The following RCOR3 variants were observed in gnomAD, a reference collection of about 807,000 sequenced individuals.
RCOR3 encodes the protein REST corepressor 3.
Under a neutral mutation model 64.1 loss-of-function variants are expected in RCOR3, and 13 were observed. The observed-to-expected ratio is 0.20, with a 90% confidence interval of 0.13 to 0.32. The LOEUF is 0.32. Ranked by LOEUF, RCOR3 falls within the 10% of genes least tolerant of loss-of-function variation. The pLI, the probability that RCOR3 is intolerant of heterozygous loss-of-function variation, is 1.00. For synonymous variants in RCOR3, 215 were observed against 239.0 expected, an observed-to-expected ratio of 0.90 and a Z score of 0.93; for missense variants, 489 against 701.2, an observed-to-expected ratio of 0.70 and a Z score of 3.42.
At chr1:211,275,706 T>TATG (rs1284151304) in intron 4 of RCOR3, among the ~76,000 whole-genome samples, 3 of 152,216 alleles carry the variant, frequency 2.0e-5, no homozygotes, top group Non-Finnish European at 2.9e-5. Context: ...ATTCTATTTA[T>TATG]ATGTTCTGAT....
chr1:211,265,488 C>T (rs1431077910), intron 2 of RCOR3, among the ~76,000 whole-genome samples: 2 of 152,160 alleles, frequency 1.3e-5, no homozygotes, highest in Non-Finnish European at 2.9e-5. Context: ...GAAGCCAAGG[C>T]AGGTGGATCC....
At chr1:211,285,915 C>T (rs1698458425) in intron 7 of RCOR3, among the ~76,000 whole-genome samples, 1 of 152,180 alleles carries the variant, frequency 6.6e-6, no homozygotes, top group South Asian at 2.1e-4. Context: ...AGCCTTTTAT[C>T]AATATGTAGG....
At chr1:211,295,018 C>T (rs1047110648) in intron 8 of RCOR3, among the ~76,000 whole-genome samples, 2 of 149,892 alleles carry the variant, frequency 1.3e-5, no homozygotes, top group African/African-American at 4.9e-5. Context: ...ACTAGGACTA[C>T]AGGTTCATGC....
intron 7 of RCOR3, among the ~76,000 whole-genome samples, chr1:211,280,107 G>T (rs1333872372): frequency 1.3e-5 from 2 of 152,094 alleles, no homozygotes. Context: ...ACTTTTTATA[G>T]TACCCAGGAC....
chr1:211,294,586 C>CTTTTTTTTTTTTTTTTTTTT (rs35962546), intron 8 of RCOR3, among the ~76,000 whole-genome samples: 1 of 88,032 alleles, frequency 1.1e-5, no homozygotes, highest in African/African-American at 4.1e-5. Context: ...TTCTTTCTTT[C>CTTTTTTTTTTTTTTTTTTTT]TTTTTTTTTT....
chr1:211,292,302 G>C (rs1367513549), intron 8 of RCOR3, among the ~76,000 whole-genome samples: 1 of 152,210 alleles, frequency 6.6e-6, no homozygotes, highest in Non-Finnish European at 1.5e-5. Context: ...TTGGTTAAAT[G>C]CTTAGCCTTT....
At chr1:211,271,446 A>AT (rs917587185) in intron 3 of RCOR3, 137 bp downstream of exon 3, 8,929 of 554,442 alleles carry the variant, frequency 0.016, no homozygotes, top group East Asian at 0.019. Flanking sequence ...TTATTTTTTT[A>AT]TTTTTTTTTT....
intron 2 of RCOR3, among the ~76,000 whole-genome samples, chr1:211,266,960 C>T (rs1033156260): frequency 4.6e-5 from 7 of 152,102 alleles, no homozygotes; most frequent in Non-Finnish European, 7.4e-5. Flanking sequence ...GGACATCAGC[C>T]GTTTTTGAGA....
intron 4 of RCOR3, among the ~76,000 whole-genome samples, chr1:211,275,422 A>G (rs1558058877): frequency 6.6e-6 from 1 of 152,106 alleles, no homozygotes. Flanking sequence ...TTAATCCTTT[A>G]AAATAGGACT....
chr1:211,289,478 T>TACCTAG (rs1324915819), intron 8 of RCOR3, 82 bp downstream of exon 8: 1 of 1,145,168 alleles, frequency 8.7e-7, no homozygotes, highest in Non-Finnish European at 1.2e-6. Context: ...TGAGCTCAGT[T>TACCTAG]GTTTGCAGAT....
At chr1:211,304,656 A>G (rs1402603303) in intron 10 of RCOR3, among the ~76,000 whole-genome samples, 1 of 152,098 alleles carries the variant, frequency 6.6e-6, no homozygotes, top group African/African-American at 2.4e-5. Context: ...AAATAGGTAT[A>G]TTTTTTAAAG....
At chr1:211,292,278 A>T (rs546041695) in intron 8 of RCOR3, among the ~76,000 whole-genome samples, 31 of 152,352 alleles carry the variant, frequency 2.0e-4, no homozygotes, top group African/African-American at 7.5e-4. Context: ...CTATACCACC[A>T]ACGCATCTCA....
Position 211,313,335 on chromosome 1 carries a change from T to C in RCOR3, c.1318-89T>C. On this transcript the variant is annotated intron_variant, in intron 11 of 11. Coordinates refer to ENST00000419091, the MANE Select transcript of RCOR3 (RefSeq NM_001136223.3). This position sits in a 1 kb window ranked among gnomAD's most constrained non-coding sequence, Gnocchi z 4.7. ...TGTTTTTGTTTTGTTTTGATTTGTT[T>C]TGTTTTTCCTGTGACAGCCCAAACT... The C allele has an allele frequency of 4.0e-6, 6 of 1,492,772 alleles. No homozygotes were observed. Among genetic ancestry groups the C allele is most frequent in the Non-Finnish European group, 5.3e-6 (6 of 1,124,856 alleles). The allele number at this position is 1,492,772 out of a possible 1,614,324, so 92.5% of individuals were successfully genotyped here.
chr1:211,313,081 C>CA lies in RCOR3; in HGVS notation c.1317+121dup. On this transcript the variant is annotated intron_variant, in intron 11 of 11. Transcript: ENST00000419091. The surrounding 1 kb of genome is among the most constrained non-coding windows in gnomAD (Gnocchi z 4.7). ...AATTGAGCATGAAAGGTTGACAATA[C>CA]ACTTCTTCAGTGGTGCATCTCTCGT... 1 of 1,559,080 alleles carries CA rather than the reference C, an allele frequency of 6.4e-7. No homozygotes were observed. The highest frequency in any genetic ancestry group is 1.9e-5 in the Admixed American group (1 of 53,680).
chr1:211,285,758 A>G (rs1009128068), intron 7 of RCOR3, among the ~76,000 whole-genome samples: 4 of 152,144 alleles, frequency 2.6e-5, no homozygotes, highest in Non-Finnish European at 5.9e-5. Flanking sequence ...CCATATTCTT[A>G]CTGCTTGCCT....
intron 8 of RCOR3, among the ~76,000 whole-genome samples, chr1:211,292,900 A>G (rs1431924962): frequency 2.6e-5 from 4 of 151,970 alleles, no homozygotes; most frequent in African/African-American, 7.2e-5. Context: ...CCTGGCCAAC[A>G]TGGTGAAACC....
At position 211,313,309 on chromosome 1, in the gene RCOR3, ATGTTTTTGTTT is replaced by A; in HGVS notation, c.1318-108_1318-98del. On this transcript the variant is annotated intron_variant, in intron 11 of 11. Coordinates refer to ENST00000419091, the MANE Select transcript of RCOR3 (RefSeq NM_001136223.3). This position sits in a 1 kb window ranked among gnomAD's most constrained non-coding sequence, Gnocchi z 4.7. ...TGTGCTTCCAATAAACACTGGTGTT[ATGTTTTTGTTT>A]TGTTTTGATTTGTTTTGTTTTTCCT... 6.9e-7 allele frequency: 1 copy of A among 1,456,038 alleles called. No individual in the cohort carries two copies. The highest frequency in any genetic ancestry group is 9.0e-7 in the Non-Finnish European group (1 of 1,107,982). The allele number at this position is 1,456,038 out of a possible 1,614,324, so 90.2% of individuals were successfully genotyped here. A position where few individuals can be genotyped will look rare whatever the true frequency, so the allele number is the denominator to read the frequency against.
chr1:211,265,338 T>G (rs79100306), intron 2 of RCOR3, among the ~76,000 whole-genome samples: 5,316 of 152,324 alleles, frequency 0.035, 127 homozygotes, highest in Non-Finnish European at 0.053. Context: ...TTCTCAAAGT[T>G]TACATTGTTC....
At position 211,259,914 on chromosome 1, in the gene RCOR3, C is replaced by T. The variant is rs1225992367; in HGVS notation, c.166+188C>T. ...CCCGTCCCTCCGCCCTCGACCAATC[C>T]TCCGCCTTTGCCCCCCCCCGCTCCC... On this transcript the variant is annotated intron_variant, in intron 1 of 11. Coordinates refer to ENST00000419091, the MANE Select transcript of RCOR3 (RefSeq NM_001136223.3). The T allele has an allele frequency of 3.5e-6, 4 of 1,132,486 alleles. No individual in the cohort carries two copies. The African/African-American group carries it at 5.1e-5, about 14-fold the overall frequency. 70.2% of individuals were successfully genotyped at this position (1,132,486 alleles called of 1,614,324 possible).
Sources: gnomAD v4.1 joint callset for allele counts (sites outside exome capture counted in the v4.1 genomes callset) on GRCh38, gnomAD v4.1.1 for gene constraint, Gnocchi (gnomAD v3.1) non-coding constraint, MANE v1.5 for transcripts, NCBI Gene and HGNC (gene_info 2026-07-23, HGNC 2026-07-21) for gene names.